Variants in GMDS observed in about 807,000 individuals in gnomAD.
The protein encoded by GMDS is GDP-mannose 4,6 dehydratase.
A neutral mutation model predicts 49.9 loss-of-function variants in GMDS; 20 were observed. The ratio of observed to expected loss-of-function variants is 0.40; its 90% CI spans 0.28 to 0.58. The LOEUF (loss-of-function observed/expected upper bound fraction) is 0.58, where lower values mean the gene tolerates loss of function less well. Ranked by LOEUF, GMDS falls within the 20% of genes least tolerant of loss-of-function variation. The pLI is 0.42. For synonymous variants in GMDS, 177 were observed against 178.6 expected (o/e 0.99, Z 0.07); for missense variants, 362 against 481.4 (o/e 0.75, Z 2.32).
rs71753891 is a variant in GMDS, at chr6:1,695,923, C to CT, written c.987+30492dup. 4.9e-4 allele frequency among the ~76,000 whole-genome samples: 52 copies of CT among 105,098 alleles called. 1 individual carries two copies. Among genetic ancestry groups the CT allele is most frequent in the African/African-American group, 7.0e-4 (19 of 27,058 alleles). 68.9% of individuals were successfully genotyped at this position (105,098 alleles called of 152,430 possible). A position where few individuals can be genotyped will look rare whatever the true frequency, so the allele number is the denominator to read the frequency against. On this transcript the variant is annotated intron_variant, in intron 9 of 10. Transcript: ENST00000380815. ...TCTGTCTTGGTTTTTTTTTTTTTTT[C>CT]TTTTTTTTTTTTTTTAATTTTAGCT...
chr6:2,205,510 T>G (rs1381927697), intron 1 of GMDS, among the ~76,000 whole-genome samples: 1 of 152,230 alleles, frequency 6.6e-6, no homozygotes, highest in Non-Finnish European at 1.5e-5. Flanking sequence ...GCTGCCAGAA[T>G]GAGGATTACA....
chr6:2,081,149 A>G (rs961713267), intron 4 of GMDS, among the ~76,000 whole-genome samples: 8 of 152,194 alleles, frequency 5.3e-5, no homozygotes, highest in African/African-American at 1.9e-4. Flanking sequence ...CCCATGTTCT[A>G]TATTTTAAAC....
At chr6:1,943,682 A>G (rs1003341943) in intron 6 of GMDS, among the ~76,000 whole-genome samples, 1 of 152,242 alleles carries the variant, frequency 6.6e-6, no homozygotes, top group African/African-American at 2.4e-5. Flanking sequence ...CATACTAATA[A>G]GAATAAAGGT....
chr6:1,923,165 C>G (rs561442621), intron 7 of GMDS, among the ~76,000 whole-genome samples: 5 of 152,200 alleles, frequency 3.3e-5, no homozygotes, highest in Non-Finnish European at 7.3e-5. Flanking sequence ...CACCCAGTCT[C>G]CAGTATGTCT....
intron 9 of GMDS, among the ~76,000 whole-genome samples, chr6:1,671,313 C>A (rs1016509994): frequency 6.6e-6 from 1 of 152,192 alleles, no homozygotes; most frequent in African/African-American, 2.4e-5. Flanking sequence ...TCTCACTCGA[C>A]GCCCTGTTTA....
chr6:1,769,788 G>A (rs559291945), intron 7 of GMDS, among the ~76,000 whole-genome samples: 19 of 152,012 alleles, frequency 1.2e-4, no homozygotes, highest in African/African-American at 3.6e-4. Flanking sequence ...CAAAAAATGC[G>A]TGATCTCTGC....
At chr6:2,030,104 C>A (rs1033689230) in intron 4 of GMDS, among the ~76,000 whole-genome samples, 20 of 152,322 alleles carry the variant, frequency 1.3e-4, no homozygotes, top group African/African-American at 4.6e-4. Flanking sequence ...CAACACACAG[C>A]CCATGTGGTT....
chr6:1,985,890 G>A (rs1433390888), intron 4 of GMDS, among the ~76,000 whole-genome samples: 7 of 152,182 alleles, frequency 4.6e-5, no homozygotes, highest in Non-Finnish European at 1.0e-4. Context: ...TAGCTTAGAG[G>A]AAAATGGGCA....
intron 1 of GMDS, among the ~76,000 whole-genome samples, chr6:2,163,678 G>T (rs1777521330): frequency 6.6e-6 from 1 of 152,172 alleles, no homozygotes; most frequent in Non-Finnish European, 1.5e-5. Flanking sequence ...TTGTTAAGAG[G>T]GTCAACCTTT....
At chr6:1,670,484 G>A (rs1188703832) in intron 9 of GMDS, among the ~76,000 whole-genome samples, 1 of 151,520 alleles carries the variant, frequency 6.6e-6, no homozygotes, top group South Asian at 2.1e-4. Context: ...ACTCATGAAC[G>A]GTAACTAATG....
chr6:1,812,501 A>T (rs1328520506), intron 7 of GMDS, among the ~76,000 whole-genome samples: 39 of 151,022 alleles, frequency 2.6e-4, no homozygotes, highest in Admixed American at 2.6e-3. Context: ...AAAAAGAAGA[A>T]AGGGCAGAGG....
At chr6:1,924,722 T>C (rs1761906044) in intron 7 of GMDS, among the ~76,000 whole-genome samples, 1 of 152,154 alleles carries the variant, frequency 6.6e-6, no homozygotes, top group African/African-American at 2.4e-5. Flanking sequence ...TTCTCTCCCT[T>C]AGTGTTTTCT....
At chr6:2,007,986 A>G (rs373316784) in intron 4 of GMDS, among the ~76,000 whole-genome samples, 2 of 152,194 alleles carry the variant, frequency 1.3e-5, no homozygotes, top group African/African-American at 4.8e-5. Context: ...AGTGCTTATC[A>G]CCATGTATTA....
chr6:2,096,320 C>A (rs1408521072), intron 4 of GMDS, among the ~76,000 whole-genome samples: 1 of 152,068 alleles, frequency 6.6e-6, no homozygotes, highest in East Asian at 1.9e-4. Flanking sequence ...GGGACCTGTA[C>A]AGAGAAATAA....
intron 4 of GMDS, among the ~76,000 whole-genome samples, chr6:2,106,463 T>A (rs1048614237): frequency 6.6e-6 from 1 of 152,194 alleles, no homozygotes; most frequent in African/African-American, 2.4e-5. Flanking sequence ...CTAATTTTTT[T>A]AAATATACAT....
intron 9 of GMDS, among the ~76,000 whole-genome samples, chr6:1,653,002 A>G (rs1763763664): frequency 6.6e-6 from 1 of 151,202 alleles, no homozygotes; most frequent in South Asian, 2.1e-4. Context: ...GCAGTCACCC[A>G]GGTCTCCGAC....
chr6:1,898,647 AGTGTCCT>A (rs1290798538), intron 7 of GMDS, among the ~76,000 whole-genome samples: 6 of 152,176 alleles, frequency 3.9e-5, no homozygotes, highest in African/African-American at 1.4e-4. Context: ...ACTAACCACA[AGTGTCCT>A]GTCAGTTACA....
intron 4 of GMDS, among the ~76,000 whole-genome samples, chr6:2,070,283 G>C (rs1324829002): frequency 8.5e-6 from 1 of 117,674 alleles, no homozygotes. Context: ...TGGGGGGAGG[G>C]GGGAGGGATA....
chr6:2,177,804 T>C (rs1376463087), intron 1 of GMDS, among the ~76,000 whole-genome samples: 3 of 151,406 alleles, frequency 2.0e-5, no homozygotes, highest in Non-Finnish European at 4.4e-5. Context: ...CAAAAGAAAA[T>C]AAATCATCCT....
Sources: gnomAD v4.1 joint callset for allele counts (sites outside exome capture counted in the v4.1 genomes callset) on GRCh38, gnomAD v4.1.1 for gene constraint, MANE v1.5 for transcripts, NCBI Gene and HGNC (gene_info 2026-07-23, HGNC 2026-07-21) for gene names.